The following DOCK8 variants were observed in gnomAD, a reference collection of about 807,000 sequenced individuals.
DOCK8 encodes the protein dedicator of cytokinesis 8.
In DOCK8, 141 loss-of-function variants were observed where a neutral mutation model predicts 245.6. That is an observed-to-expected ratio of 0.57 (90% CI 0.50 to 0.66). DOCK8 has a LOEUF of 0.66. Ranked by LOEUF, DOCK8 falls within the 30% of genes least tolerant of loss-of-function variation. The pLI, the probability that DOCK8 is intolerant of heterozygous loss-of-function variation, is 0.00. For missense variants in DOCK8, 2,965 were observed against 2,603.4 expected (o/e 1.14, Z -3.02); for synonymous variants, 1,168 against 970.2 (o/e 1.20, Z -3.79).
chr9:333,358 T>G (rs545444768), intron 10 of DOCK8, among the ~76,000 whole-genome samples: 1 of 152,302 alleles, frequency 6.6e-6, no homozygotes, highest in East Asian at 1.9e-4. Flanking sequence ...TCCCAGCACT[T>G]TGGGAGGCCA....
intron 42 of DOCK8, among the ~76,000 whole-genome samples, chr9:442,923 C>T (rs1353775842): frequency 5.3e-5 from 8 of 152,206 alleles, no homozygotes; most frequent in African/African-American, 1.9e-4. Flanking sequence ...CCTTACTTGA[C>T]TCAAAGAAGC....
chr9:360,605 A>G (rs978048882), intron 14 of DOCK8, among the ~76,000 whole-genome samples: 3 of 152,224 alleles, frequency 2.0e-5, no homozygotes, highest in African/African-American at 7.2e-5. Context: ...TAAGCATTTA[A>G]TTAAAAATTT....
intron 46 of DOCK8, chr9:459,638 G>A (rs981253440): frequency 6.6e-6 from 1 of 152,278 alleles, no homozygotes; most frequent in African/African-American, 2.4e-5. Flanking sequence ...TGCAACTTGG[G>A]GTTGGCTGGG....
chr9:229,028 G>A (rs1189169671), intron 1 of DOCK8, among the ~76,000 whole-genome samples: 1 of 152,170 alleles, frequency 6.6e-6, no homozygotes, highest in East Asian at 1.9e-4. Context: ...GAAGGTGGAA[G>A]CTGCAAGGCT....
At chr9:256,062 A>G (rs2047765455) in intron 1 of DOCK8, among the ~76,000 whole-genome samples, 1 of 152,222 alleles carries the variant, frequency 6.6e-6, no homozygotes, top group Admixed American at 6.5e-5. Flanking sequence ...CTATCACACT[A>G]ACATGACCAA....
Position 463,837 on chromosome 9 carries a change from G to T in DOCK8, c.6239+150G>T, listed in dbSNP as rs148690067. 141 of 955,858 alleles carry T rather than the reference G, an allele frequency of 1.5e-4. No individual in the cohort carries two copies. The African/African-American group carries it at 2.0e-3, about 14-fold the overall frequency. The allele number at this position is 955,858 out of a possible 1,614,324, so 59.2% of individuals were successfully genotyped here. A position where few individuals can be genotyped will look rare whatever the true frequency, so the allele number is the denominator to read the frequency against. On this transcript the variant is annotated intron_variant, in intron 47 of 47. Transcript: ENST00000432829. ...CCACAGTCAGAGAGGCTACCAGAGT[G>T]TGATTCATTCTGCCTCTGTCCTCCC...
At chr9:445,433 G>A (rs959430222) in intron 43 of DOCK8, among the ~76,000 whole-genome samples, 6 of 152,262 alleles carry the variant, frequency 3.9e-5, no homozygotes, top group East Asian at 3.9e-4. Context: ...AGAGATTGTC[G>A]TCTTTAATGA....
At chr9:221,725 G>C (rs2046886769) in intron 1 of DOCK8, among the ~76,000 whole-genome samples, 1 of 151,770 alleles carries the variant, frequency 6.6e-6, no homozygotes, top group Non-Finnish European at 1.5e-5. Context: ...AGGAGGTTGA[G>C]GCAGGAGAAT....
chr9:328,829 T>C (rs1205324616), intron 9 of DOCK8, among the ~76,000 whole-genome samples: 1 of 152,068 alleles, frequency 6.6e-6, no homozygotes, highest in Non-Finnish European at 1.5e-5. Context: ...CTATACTCTT[T>C]GCTGTTGTAA....
intron 26 of DOCK8, among the ~76,000 whole-genome samples, chr9:403,895 T>TAC (rs1239356913): frequency 1.6e-5 from 1 of 63,464 alleles, no homozygotes; most frequent in Non-Finnish European, 2.6e-5. Context: ...TCTCTCTCTA[T>TAC]ATATATATAT....
At chr9:455,571 C>G (rs1319304060) in intron 46 of DOCK8, among the ~76,000 whole-genome samples, 4 of 152,132 alleles carry the variant, frequency 2.6e-5, no homozygotes, top group African/African-American at 9.7e-5. Flanking sequence ...TCCTGAAGCA[C>G]TGCATTTCTA....
At chr9:399,383 T>C in intron 26 of DOCK8, 124 bp downstream of exon 26, 1 of 757,558 alleles carries the variant, frequency 1.3e-6, no homozygotes, top group Non-Finnish European at 2.3e-6. Flanking sequence ...CTACACATCC[T>C]GTGTTTTGCA....
chr9:319,188 T>A (rs1438743337), intron 7 of DOCK8, among the ~76,000 whole-genome samples: 6 of 151,936 alleles, frequency 3.9e-5, no homozygotes, highest in Non-Finnish European at 7.4e-5. Flanking sequence ...GAGGCTGAGG[T>A]GGAAGGATCG....
intron 36 of DOCK8, among the ~76,000 whole-genome samples, chr9:430,881 A>ATTTT (rs1033082391): frequency 4.6e-5 from 7 of 152,066 alleles, no homozygotes; most frequent in African/African-American, 1.7e-4. Flanking sequence ...TTATTTATTT[A>ATTTT]TTTATTGAGA....
intron 14 of DOCK8, among the ~76,000 whole-genome samples, chr9:348,585 A>G (rs557885317): frequency 3.5e-4 from 54 of 152,304 alleles, no homozygotes; most frequent in African/African-American, 1.2e-3. Flanking sequence ...GGCAGAAGCA[A>G]TGGAGAAGTG....
At position 418,124 on chromosome 9, in the gene DOCK8, G is replaced by A. The variant is rs1395205685; in HGVS notation, c.3757G>A (p.Gly1253Ser). 1.7e-5 allele frequency: 27 copies of A among 1,614,058 alleles called. No homozygotes were observed. The highest frequency in any genetic ancestry group is 3.3e-4 in the Middle Eastern group (2 of 6,084). The change falls in exon 30 of 48, where the codon GGT becomes AGT. Residue 1253 changes from glycine (G) to serine (S), a missense_variant. Coordinates refer to ENST00000432829, the MANE Select transcript of DOCK8 (RefSeq NM_203447.4). Reference protein sequence around the residue: ...SGSDEEQEGAGAINQNVALAI... With the variant: ...SGSDEEQEGASAINQNVALAI... ...CTCGGATGAAGAACAAGAAGGAGCCGGTGCCATTAACCAGAATGTGGCTCT... is the reference window on the plus strand; with the variant it reads ...CTCGGATGAAGAACAAGAAGGAGCCAGTGCCATTAACCAGAATGTGGCTCT...
intron 1 of DOCK8, among the ~76,000 whole-genome samples, chr9:226,405 G>T (rs2046991551): frequency 6.6e-6 from 1 of 152,140 alleles, no homozygotes; most frequent in South Asian, 2.1e-4. Context: ...CAAATGGGAT[G>T]GTTTATGGAG....
At chr9:425,116 C>G (rs2056431665) in intron 33 of DOCK8, among the ~76,000 whole-genome samples, 1 of 152,116 alleles carries the variant, frequency 6.6e-6, no homozygotes, top group East Asian at 1.9e-4. Flanking sequence ...AATAATTTCA[C>G]TTTTTCTTTA....
At chr9:423,436 G>T (rs1172901902) in intron 33 of DOCK8, among the ~76,000 whole-genome samples, 1 of 152,148 alleles carries the variant, frequency 6.6e-6, no homozygotes, top group Admixed American at 6.5e-5. Flanking sequence ...CAGTTGACAA[G>T]GTAGGATACC....
Sources: gnomAD v4.1 joint callset for allele counts (sites outside exome capture counted in the v4.1 genomes callset) on GRCh38, gnomAD v4.1.1 for gene constraint, MANE v1.5 for transcripts, NCBI Gene and HGNC (gene_info 2026-07-23, HGNC 2026-07-21) for gene names.